CSNK1G1: variants seen among roughly 807,000 people sequenced by gnomAD.
The protein encoded by CSNK1G1 is casein kinase I isoform gamma-1.
A neutral mutation model predicts 59.6 loss-of-function variants in CSNK1G1; 22 were observed. The observed-to-expected ratio is 0.37, with a 90% CI of 0.26 to 0.53. The LOEUF is 0.53. Among genes scored for constraint, CSNK1G1 ranks in the 20% least tolerant of loss-of-function variants. The probability of loss-of-function intolerance (pLI) is 0.89; values close to 1 mark genes in which losing one functional copy is unlikely to be tolerated. For synonymous variants in CSNK1G1, 179 were observed against 177.1 expected (o/e 1.01, Z -0.08); for missense variants, 384 against 519.5 (o/e 0.74, Z 2.54).
At chr15:64,297,481 G>A (rs1481816581) in intron 2 of CSNK1G1, among the ~76,000 whole-genome samples, 1 of 152,066 alleles carries the variant, frequency 6.6e-6, no homozygotes, top group Non-Finnish European at 1.5e-5. Context: ...GGCCAAGGCA[G>A]GAGAATCGCT....
intron 4 of CSNK1G1, among the ~76,000 whole-genome samples, chr15:64,247,054 C>T (rs1891797983): frequency 6.6e-6 from 1 of 152,142 alleles, no homozygotes; most frequent in South Asian, 2.1e-4. Flanking sequence ...TCTGTTTCGG[C>T]CACAGACTCT....
chr15:64,341,654 T>C (rs1001584336), intron 1 of CSNK1G1, among the ~76,000 whole-genome samples: 1 of 152,120 alleles, frequency 6.6e-6, no homozygotes. Context: ...TTTTTATTTT[T>C]TATAGAGACA....
At position 64,171,146 on chromosome 15, in the gene CSNK1G1, T is replaced by C. The variant is rs1322749647; in HGVS notation, c.*785A>G. The C allele has an allele frequency of 6.6e-6, 1 of 152,108 alleles. No homozygotes were observed. The highest frequency in any genetic ancestry group is 1.9e-4 in the East Asian group (1 of 5,184). 9.4% of individuals were successfully genotyped at this position (152,108 alleles called of 1,614,324 possible). On this transcript the variant is annotated 3_prime_UTR_variant, in exon 12 of 12. Coordinates refer to ENST00000303052, the MANE Select transcript of CSNK1G1 (RefSeq NM_022048.5). This position sits in a 1 kb window ranked among gnomAD's most constrained non-coding sequence, Gnocchi z 4.8. ...AACCAGACACAATATGCATCTGCCA[T>C]GTTTTTGTTTTTGTTTTTTTTAAAA...
At chr15:64,273,118 C>T (rs1017017750) in intron 2 of CSNK1G1, among the ~76,000 whole-genome samples, 2 of 152,164 alleles carry the variant, frequency 1.3e-5, no homozygotes, top group Admixed American at 6.5e-5. Flanking sequence ...GAACTTACTG[C>T]ACTGTATATT....
chr15:64,300,558 C>T lies in CSNK1G1; in HGVS notation c.-59G>A. On this transcript the variant is annotated 5_prime_UTR_variant, in exon 2 of 12. Coordinates refer to ENST00000303052, the MANE Select transcript of CSNK1G1 (RefSeq NM_022048.5). The stretch of plus-strand genomic sequence containing the variant: ...AAGTAGCTTCAGTATGTATACCTCT[C>T]TTCAATACAAAAGTATGTCCAAATA... 1.3e-6 allele frequency: 2 copies of T among 1,511,906 alleles called. No individual in the cohort carries two copies. Among genetic ancestry groups the T allele is most frequent in the Non-Finnish European group, 1.8e-6 (2 of 1,127,028 alleles). The allele number at this position is 1,511,906 out of a possible 1,614,324, so 93.7% of individuals were successfully genotyped here. A position where few individuals can be genotyped will look rare whatever the true frequency, so the allele number is the denominator to read the frequency against.
chr15:64,283,342 CT>C (rs58497751), intron 2 of CSNK1G1, among the ~76,000 whole-genome samples: 3,036 of 144,662 alleles, frequency 0.021, 99 homozygotes, highest in African/African-American at 0.071. Context: ...TTTTAAGTTT[CT>C]TTTTTTTTTT....
chr15:64,194,696 A>G (rs746414168), intron 10 of CSNK1G1, among the ~76,000 whole-genome samples: 6 of 151,724 alleles, frequency 4.0e-5, no homozygotes, highest in Non-Finnish European at 7.4e-5. Context: ...TTGTATTTTT[A>G]GTAGAGACAG....
chr15:64,237,718 C>T (rs1458388424), intron 4 of CSNK1G1, among the ~76,000 whole-genome samples: 1 of 152,184 alleles, frequency 6.6e-6, no homozygotes, highest in Admixed American at 6.5e-5. Flanking sequence ...ATGACTTCTT[C>T]AGATCTATAG....
In CSNK1G1 at chr15:64,288,323, G is replaced by T. The variant is rs74602195; in HGVS notation, c.181+11996C>A. Reference sequence around the variant, plus strand: ...TGACATAAGTATATTGGGAGAATATGGGCAAGGTATGTACGTCATTAGGGA... The same window carrying T: ...TGACATAAGTATATTGGGAGAATATTGGCAAGGTATGTACGTCATTAGGGA... On this transcript the variant is annotated intron_variant, in intron 2 of 11. Coordinates refer to ENST00000303052, the MANE Select transcript of CSNK1G1 (RefSeq NM_022048.5). 3.3e-5 allele frequency among the ~76,000 whole-genome samples: 5 copies of T among 152,218 alleles called. No individual in the cohort carries two copies. The East Asian group carries it at 9.6e-4, about 29-fold the overall frequency.
At chr15:64,336,716 A>G (rs529433785) in intron 1 of CSNK1G1, among the ~76,000 whole-genome samples, 1 of 152,322 alleles carries the variant, frequency 6.6e-6, no homozygotes. Flanking sequence ...TTCATTAGAG[A>G]GGAAGTTTAC....
At chr15:64,298,521 G>A (rs533122520) in intron 2 of CSNK1G1, among the ~76,000 whole-genome samples, 54 of 151,508 alleles carry the variant, frequency 3.6e-4, no homozygotes, top group African/African-American at 1.3e-3. Flanking sequence ...TGCTGGCTTT[G>A]GTAACCCGAA....
chr15:64,233,086 T>C (rs2140294332), intron 4 of CSNK1G1, among the ~76,000 whole-genome samples: 1 of 152,322 alleles, frequency 6.6e-6, no homozygotes, highest in African/African-American at 2.4e-5. Flanking sequence ...CCTTCTATTT[T>C]TCATGAAGCC....
At chr15:64,284,401 T>G (rs1288473733) in intron 2 of CSNK1G1, among the ~76,000 whole-genome samples, 1 of 152,192 alleles carries the variant, frequency 6.6e-6, no homozygotes, top group Admixed American at 6.6e-5. Flanking sequence ...GTACTTCAAC[T>G]TGGGGAGTGC....
chr15:64,278,768 T>C (rs1440888626), intron 2 of CSNK1G1, among the ~76,000 whole-genome samples: 6 of 152,164 alleles, frequency 3.9e-5, no homozygotes, highest in Admixed American at 3.9e-4. Flanking sequence ...TCAACTAATG[T>C]ACATATAGGA....
intron 4 of CSNK1G1, among the ~76,000 whole-genome samples, chr15:64,246,209 T>C (rs976703048): frequency 1.3e-5 from 2 of 152,128 alleles, no homozygotes; most frequent in African/African-American, 2.4e-5. Flanking sequence ...ATCCCATAAA[T>C]AGGTATATTA....
intron 2 of CSNK1G1, among the ~76,000 whole-genome samples, chr15:64,291,015 A>C (rs1486465557): frequency 6.6e-6 from 1 of 152,136 alleles, no homozygotes; most frequent in Non-Finnish European, 1.5e-5. Flanking sequence ...TGCCCAGCCA[A>C]GACTCCTATT....
At chr15:64,233,231 G>T (rs1239124498) in intron 4 of CSNK1G1, among the ~76,000 whole-genome samples, 1 of 152,142 alleles carries the variant, frequency 6.6e-6, no homozygotes, top group Non-Finnish European at 1.5e-5. Flanking sequence ...ATGTATGAAG[G>T]CCAAACAATT....
intron 1 of CSNK1G1, among the ~76,000 whole-genome samples, chr15:64,337,827 C>T (rs1447567198): frequency 1.3e-5 from 2 of 152,110 alleles, no homozygotes; most frequent in Non-Finnish European, 2.9e-5. Context: ...CCCATCAGCC[C>T]CTGATAACCT....
rs2082315561 is a variant in CSNK1G1 at position 64,216,678 on chromosome 15, A to G, written c.328T>C (p.Cys110Arg). 4.3e-6 allele frequency: 7 copies of G among 1,613,994 alleles called. No homozygotes were observed. The highest frequency in any genetic ancestry group is 2.2e-5 in the East Asian group (1 of 44,894). ...GLPQVYYFGP[C>R]GKYNAMVLEL... ...AGCACCATGGCATTATATTTCCCAC[A>G]TGGTCCAAAGTAATACACCTGTGGG... The change falls in exon 5 of 12, where the codon TGT becomes CGT. Residue 110 changes from cysteine (C) to arginine (R), a missense_variant. Cys to Arg is a radical substitution (Grantham distance 180). Transcript: ENST00000303052. This position sits in a 1 kb window ranked among gnomAD's most constrained non-coding sequence, Gnocchi z 4.6.
Sources: allele counts gnomAD v4.1 joint callset (sites outside exome capture counted in the v4.1 genomes callset), GRCh38; gene constraint gnomAD v4.1.1; non-coding constraint Gnocchi (gnomAD v3.1); transcripts MANE v1.5; gene names NCBI Gene and HGNC (gene_info 2026-07-23, HGNC 2026-07-21).